Variants in TENM4 observed in about 807,000 individuals in gnomAD.
TENM4 encodes the protein teneurin transmembrane protein 4.
A neutral mutation model predicts 243.3 loss-of-function variants in TENM4; 82 were observed. That is an observed-to-expected ratio of 0.34 (90% CI 0.28 to 0.40). The LOEUF (loss-of-function observed/expected upper bound fraction) is 0.40. Among genes scored for constraint, TENM4 ranks in the 10% least tolerant of loss-of-function variants. TENM4 has a pLI of 1.00. For missense variants in TENM4, 3,138 were observed against 3,673.3 expected, an observed-to-expected ratio of 0.85 and a Z score of 3.77; for synonymous variants, 1,412 against 1,456.3, an observed-to-expected ratio of 0.97 and a Z score of 0.69.
chr11:79,232,679 A>T (rs759480045), intron 2 of TENM4, among the ~76,000 whole-genome samples: 2 of 152,254 alleles, frequency 1.3e-5, no homozygotes, highest in African/African-American at 2.4e-5. Context: ...TCCAGAACAC[A>T]GGGAGAATAT....
At chr11:78,861,242 T>C (rs1230277073) in intron 10 of TENM4, among the ~76,000 whole-genome samples, 2 of 152,256 alleles carry the variant, frequency 1.3e-5, no homozygotes, top group African/African-American at 4.8e-5. Flanking sequence ...ATCTGGTTAC[T>C]TACATGATTC....
At chr11:79,261,890 T>C (rs1327430206) in intron 2 of TENM4, among the ~76,000 whole-genome samples, 1 of 152,164 alleles carries the variant, frequency 6.6e-6, no homozygotes, top group Non-Finnish European at 1.5e-5. Flanking sequence ...TGGTTTCTTA[T>C]AACCTCTGGA....
At chr11:79,193,878 T>G (rs1256597479) in intron 3 of TENM4, among the ~76,000 whole-genome samples, 3 of 152,062 alleles carry the variant, frequency 2.0e-5, no homozygotes, top group Non-Finnish European at 4.4e-5. Context: ...GTTTGGAGGT[T>G]GGGGGCAGCC....
At chr11:78,990,544 A>T (rs1337559295) in intron 6 of TENM4, among the ~76,000 whole-genome samples, 1 of 152,228 alleles carries the variant, frequency 6.6e-6, no homozygotes, top group Non-Finnish European at 1.5e-5. Context: ...ACTGCGAGGG[A>T]GTAATCCACG....
chr11:79,312,712 T>C (rs1180421453), intron 1 of TENM4, among the ~76,000 whole-genome samples: 1 of 152,170 alleles, frequency 6.6e-6, no homozygotes, highest in African/African-American at 2.4e-5. Flanking sequence ...TCAATTAGCA[T>C]GTGTTCCCAA....
intron 20 of TENM4, among the ~76,000 whole-genome samples, chr11:78,735,449 G>T (rs180785376): frequency 8.2e-4 from 125 of 152,338 alleles, no homozygotes; most frequent in Admixed American, 3.8e-3. Context: ...CTTCATGAGA[G>T]GCTGTATGTG....
intron 28 of TENM4, among the ~76,000 whole-genome samples, chr11:78,698,431 A>C (rs372429436): frequency 1.5e-5 from 2 of 130,012 alleles, no homozygotes; most frequent in Non-Finnish European, 3.4e-5. Context: ...AACCAAACAA[A>C]CAAACAAATA....
At chr11:79,150,159 A>T (rs890640517) in intron 3 of TENM4, among the ~76,000 whole-genome samples, 6 of 152,040 alleles carry the variant, frequency 3.9e-5, no homozygotes. Flanking sequence ...TCATCTTTCA[A>T]ATCCATCCTT....
At chr11:79,088,656 G>A (rs1860874575) in intron 4 of TENM4, among the ~76,000 whole-genome samples, 1 of 152,184 alleles carries the variant, frequency 6.6e-6, no homozygotes, top group Non-Finnish European at 1.5e-5. Context: ...CTATTGCTAA[G>A]TATTATCAAG....
chr11:78,730,152 G>A (rs558272023), intron 21 of TENM4, among the ~76,000 whole-genome samples: 1 of 152,328 alleles, frequency 6.6e-6, no homozygotes, highest in African/African-American at 2.4e-5. Flanking sequence ...ACTGAGAAAG[G>A]TCACATAGGT....
At chr11:78,702,507 A>T (rs1859133325) in intron 27 of TENM4, 104 bp from the exon 28 acceptor site, 1 of 1,369,376 alleles carries the variant, frequency 7.3e-7, no homozygotes, top group South Asian at 1.4e-5. Flanking sequence ...GGCTTCATAT[A>T]CAGTCTTGCT....
At chr11:79,044,832 T>C (rs1859620058) in intron 6 of TENM4, among the ~76,000 whole-genome samples, 1 of 152,186 alleles carries the variant, frequency 6.6e-6, no homozygotes, top group Admixed American at 6.5e-5. Context: ...CAAACACATT[T>C]GTATCCCCGG....
intron 22 of TENM4, among the ~76,000 whole-genome samples, chr11:78,726,624 T>C (rs1855517324): frequency 1.3e-5 from 2 of 152,262 alleles, no homozygotes; most frequent in Non-Finnish European, 2.9e-5. Context: ...TGGATTCTCA[T>C]GAACGGCTTG....
chr11:79,000,660 C>A (rs1196102963), intron 6 of TENM4, among the ~76,000 whole-genome samples: 3 of 152,058 alleles, frequency 2.0e-5, no homozygotes, highest in Non-Finnish European at 1.5e-5. Flanking sequence ...TACAATGCTA[C>A]ATAAAAACTT....
chr11:79,418,470 C>G (rs1858864587), intron 1 of TENM4, among the ~76,000 whole-genome samples: 1 of 152,238 alleles, frequency 6.6e-6, no homozygotes, highest in Non-Finnish European at 1.5e-5. Context: ...ATGTGGCTTA[C>G]AAGCTGGCTC....
intron 6 of TENM4, among the ~76,000 whole-genome samples, chr11:78,962,592 G>A (rs1449285060): frequency 6.6e-6 from 1 of 152,204 alleles, no homozygotes; most frequent in African/African-American, 2.4e-5. Flanking sequence ...AGGGAATCTC[G>A]GAAGCACACG....
At position 79,163,468 on chromosome 11, in the gene TENM4, C is replaced by T. The variant is rs762167081; in HGVS notation, c.-162-14662G>A. ...TTGGTTAGATGAATAAGTTTTTTAACGGAGATTTTGGTGCACCCATCACCC... is the reference window on the plus strand; with the variant it reads ...TTGGTTAGATGAATAAGTTTTTTAATGGAGATTTTGGTGCACCCATCACCC... On this transcript the variant is annotated intron_variant, in intron 3 of 33. Transcript: ENST00000278550. Among the ~76,000 whole-genome samples the T allele has an allele frequency of 4.6e-5, 7 of 151,684 alleles. 1 individual carries two copies. Among genetic ancestry groups the T allele is most frequent in the East Asian group, 1.9e-4 (1 of 5,168 alleles).
In TENM4 at chr11:79,287,602, C is replaced by T. The variant is rs1856279187; in HGVS notation, c.-265+9886G>A. 2.6e-5 allele frequency among the ~76,000 whole-genome samples: 4 copies of T among 152,066 alleles called. No homozygotes were observed. The South Asian group carries it at 8.3e-4, about 32-fold the overall frequency. ...GCACCTATATTATACTCCTGGTTCC[C>T]CAACAAGTAGGGTGCTTGATGCATT... On this transcript the variant is annotated intron_variant, in intron 2 of 33. Transcript: ENST00000278550.
intron 6 of TENM4, among the ~76,000 whole-genome samples, chr11:78,937,264 A>G (rs1196822090): frequency 6.6e-6 from 1 of 152,162 alleles, no homozygotes; most frequent in East Asian, 1.9e-4. Flanking sequence ...TCTAGTTTGC[A>G]GGATATAGAA....
Sources: gnomAD v4.1 joint callset for allele counts (sites outside exome capture counted in the v4.1 genomes callset) on GRCh38, gnomAD v4.1.1 for gene constraint, MANE v1.5 for transcripts, NCBI Gene and HGNC (gene_info 2026-07-23, HGNC 2026-07-21) for gene names.